GALNT13: variants seen among roughly 807,000 people sequenced by gnomAD.
The protein encoded by GALNT13 is UDP-GalNAc:polypeptide N-acetylgalactosaminyltransferase 13.
A neutral mutation model predicts 64.2 loss-of-function variants in GALNT13; 28 were observed. The observed-to-expected ratio is 0.44, with a 90% CI of 0.32 to 0.60. The LOEUF (loss-of-function observed/expected upper bound fraction) is 0.60, where lower values mean the gene tolerates loss of function less well. GALNT13 is among the 20% of genes least tolerant of loss of function. The probability of loss-of-function intolerance (pLI) is 0.05; values close to 1 mark genes in which losing one functional copy is unlikely to be tolerated. For missense variants in GALNT13, 577 were observed against 669.8 expected (o/e 0.86, Z 1.53); for synonymous variants, 214 against 224.6 (o/e 0.95, Z 0.42).
the GALNT13 span, among the ~76,000 whole-genome samples, chr2:153,613,436 CAG>C: frequency 1.4e-4 from 21 of 152,012 alleles, no homozygotes; most frequent in African/African-American, 4.3e-4. Flanking sequence ...GTCTTTCTGT[CAG>C]ATGCAAAAAG....
At chr2:154,218,848 T>C (rs933454565) in intron 4 of GALNT13, among the ~76,000 whole-genome samples, 5 of 152,124 alleles carry the variant, frequency 3.3e-5, no homozygotes, top group Non-Finnish European at 5.9e-5. Flanking sequence ...CCATTATCTG[T>C]CTAAACATTT....
intron 11 of GALNT13, among the ~76,000 whole-genome samples, chr2:154,433,391 G>A (rs1031148730): frequency 1.3e-5 from 2 of 152,178 alleles, no homozygotes; most frequent in Non-Finnish European, 2.9e-5. Flanking sequence ...TCTCAGGACA[G>A]GGAGCTTTAA....
intron 5 of GALNT13, 125 bp from the exon 6 acceptor site, chr2:154,242,573 G>A: frequency 1.6e-6 from 1 of 632,392 alleles, no homozygotes; most frequent in Non-Finnish European, 2.8e-6. Context: ...TTATATCTAA[G>A]GCAGTAAATA....
chr2:153,429,503 CAGAAAAGTAACTTTTCAT>C, the GALNT13 span, among the ~76,000 whole-genome samples: 2 of 152,008 alleles, frequency 1.3e-5, no homozygotes, highest in African/African-American at 2.4e-5. Flanking sequence ...GCTAAATAAT[CAGAAAAGTAACTTTTCAT>C]AGAGCATGGT....
the GALNT13 span, among the ~76,000 whole-genome samples, chr2:153,082,604 TATATATATATATATACACACACACACAC>T: frequency 9.1e-5 from 4 of 43,992 alleles, no homozygotes; most frequent in Non-Finnish European, 1.3e-4. Context: ...TATATATATA[TATATATATATATATACACACACACACAC>T]ACACACACAC....
At chr2:153,542,988 T>C in the GALNT13 span, among the ~76,000 whole-genome samples, 2 of 152,224 alleles carry the variant, frequency 1.3e-5, no homozygotes, top group African/African-American at 4.8e-5. Flanking sequence ...ATATTATAAA[T>C]AGAAATTTTA....
chr2:153,367,327 T>A, the GALNT13 span, among the ~76,000 whole-genome samples: 1 of 152,074 alleles, frequency 6.6e-6, no homozygotes, highest in Non-Finnish European at 1.5e-5. Context: ...ACATCAGATG[T>A]GAAGCAGTAT....
chr2:153,624,792 CTTTTT>C, the GALNT13 span, among the ~76,000 whole-genome samples: 2 of 121,226 alleles, frequency 1.6e-5, no homozygotes, highest in African/African-American at 3.0e-5. Context: ...GGAAGAGAGA[CTTTTT>C]TTTTTTTTTT....
the GALNT13 span, among the ~76,000 whole-genome samples, chr2:153,348,524 A>T: frequency 6.6e-6 from 1 of 152,186 alleles, no homozygotes; most frequent in South Asian, 2.1e-4. Context: ...CTTCTTGAAA[A>T]GTTTGTTTTT....
the GALNT13 span, among the ~76,000 whole-genome samples, chr2:153,571,004 G>C: frequency 6.6e-6 from 1 of 151,486 alleles, no homozygotes; most frequent in Admixed American, 6.6e-5. Flanking sequence ...AATGTCATTG[G>C]TATCTTGATA....
chr2:154,139,654 C>A (rs527727215), intron 3 of GALNT13, among the ~76,000 whole-genome samples: 2 of 121,276 alleles, frequency 1.6e-5, no homozygotes, highest in Admixed American at 1.6e-4. Flanking sequence ...ACACACACAC[C>A]CCTTGAAACG....
intron 4 of GALNT13, among the ~76,000 whole-genome samples, chr2:154,193,324 T>G (rs1686700128): frequency 6.6e-6 from 1 of 152,340 alleles, no homozygotes; most frequent in South Asian, 2.1e-4. Flanking sequence ...AGTTTTTTAT[T>G]CTTGTTAAAT....
At chr2:153,196,438 C>G in the GALNT13 span, among the ~76,000 whole-genome samples, 1 of 152,112 alleles carries the variant, frequency 6.6e-6, no homozygotes, top group East Asian at 1.9e-4. Context: ...CAGGCTTGGC[C>G]CCATTCCTAC....
chr2:154,196,968 T>C (rs777076100), intron 4 of GALNT13, among the ~76,000 whole-genome samples: 2 of 152,222 alleles, frequency 1.3e-5, no homozygotes, highest in Non-Finnish European at 2.9e-5. Flanking sequence ...AGATGAATCA[T>C]CTGATTGCTA....
chr2:153,793,737 A>G, the GALNT13 span, among the ~76,000 whole-genome samples: 1 of 152,090 alleles, frequency 6.6e-6, no homozygotes, highest in Non-Finnish European at 1.5e-5. Context: ...AGATTTAAGA[A>G]CTAGTAATCC....
chr2:153,436,827 CAG>C, the GALNT13 span, among the ~76,000 whole-genome samples: 2 of 152,166 alleles, frequency 1.3e-5, no homozygotes, highest in South Asian at 4.1e-4. Context: ...CTATTTCCTT[CAG>C]TTCTGCTCTG....
intron 9 of GALNT13, among the ~76,000 whole-genome samples, chr2:154,313,737 G>A (rs537490551): frequency 2.0e-5 from 3 of 152,210 alleles, no homozygotes; most frequent in Admixed American, 1.3e-4. Flanking sequence ...ACAGGTGTGA[G>A]CCATCATGCC....
chr2:153,430,028 A>G, the GALNT13 span, among the ~76,000 whole-genome samples: 1 of 152,146 alleles, frequency 6.6e-6, no homozygotes, highest in Non-Finnish European at 1.5e-5. Flanking sequence ...TTAGACTGCA[A>G]ATGGGAACTA....
chr2:154,254,835 T>C (rs1004157417), intron 7 of GALNT13, among the ~76,000 whole-genome samples: 1 of 151,906 alleles, frequency 6.6e-6, no homozygotes, highest in African/African-American at 2.4e-5. Flanking sequence ...GAGTGAACCA[T>C]AAAGGTGACA....
Sources: allele counts gnomAD v4.1 joint callset (sites outside exome capture counted in the v4.1 genomes callset), GRCh38; gene constraint gnomAD v4.1.1; transcripts MANE v1.5; gene names NCBI Gene and HGNC (gene_info 2026-07-23, HGNC 2026-07-21).